The following SGCZ variants were observed in gnomAD, a reference collection of about 807,000 sequenced individuals.
SGCZ encodes the protein sarcoglycan zeta, also known as zeta-sarcoglycan.
SGCZ carries 40 observed loss-of-function variants against 41.3 expected under a neutral mutation model. That is an observed-to-expected ratio of 0.97 (90% CI 0.75 to 1.26). The LOEUF is 1.26. Among genes scored for constraint, SGCZ ranks in the 50% most tolerant of loss-of-function variants. The probability of loss-of-function intolerance (pLI) is 0.00; values close to 1 mark genes in which losing one functional copy is unlikely to be tolerated. For synonymous variants in SGCZ, 206 were observed against 137.5 expected (o/e 1.50, Z -3.49); for missense variants, 552 against 369.8 (o/e 1.49, Z -4.04).
intron 2 of SGCZ, among the ~76,000 whole-genome samples, chr8:14,464,503 A>C (rs1161720855): frequency 9.9e-6 from 1 of 101,476 alleles, no homozygotes; most frequent in East Asian, 2.5e-4. Flanking sequence ...TTTTTTTTTT[A>C]GTTCATCTAG....
chr8:15,228,514 A>C (rs1184403150), intron 1 of SGCZ, among the ~76,000 whole-genome samples: 1 of 152,200 alleles, frequency 6.6e-6, no homozygotes, highest in African/African-American at 2.4e-5. Flanking sequence ...TTTTTATAAA[A>C]TAGATTTGAA....
intron 2 of SGCZ, among the ~76,000 whole-genome samples, chr8:14,356,842 T>C (rs1803314262): frequency 6.6e-6 from 1 of 152,034 alleles, no homozygotes; most frequent in Non-Finnish European, 1.5e-5. Flanking sequence ...TTAAGTAAAA[T>C]AGTATATTTT....
chr8:14,388,058 G>C (rs1276219205), intron 2 of SGCZ, among the ~76,000 whole-genome samples: 1 of 152,046 alleles, frequency 6.6e-6, no homozygotes, highest in African/African-American at 2.4e-5. Context: ...TTTAGTAGGA[G>C]TAAGATATTC....
intron 6 of SGCZ, among the ~76,000 whole-genome samples, chr8:14,103,455 G>C (rs1348988516): frequency 6.6e-6 from 1 of 152,104 alleles, no homozygotes; most frequent in Non-Finnish European, 1.5e-5. Context: ...CACATTCACT[G>C]TTATCCAGCA....
chr8:14,113,282 T>C (rs889174940), intron 5 of SGCZ, among the ~76,000 whole-genome samples: 8 of 152,246 alleles, frequency 5.3e-5, no homozygotes, highest in Admixed American at 3.9e-4. Context: ...CTTTACTAAT[T>C]TTCCCACCTC....
intron 1 of SGCZ, among the ~76,000 whole-genome samples, chr8:14,791,231 T>A (rs1423392792): frequency 6.6e-6 from 1 of 152,090 alleles, no homozygotes; most frequent in African/African-American, 2.4e-5. Flanking sequence ...ATCCTTTAAA[T>A]TGTACATTAC....
chr8:14,601,010 T>G (rs1805573355), intron 1 of SGCZ, among the ~76,000 whole-genome samples: 1 of 150,554 alleles, frequency 6.6e-6, no homozygotes, highest in Non-Finnish European at 1.5e-5. Context: ...ATCCCTAAAA[T>G]ATATGTTTTA....
intron 1 of SGCZ, among the ~76,000 whole-genome samples, chr8:15,067,828 A>G (rs1191792985): frequency 1.3e-5 from 2 of 152,226 alleles, no homozygotes; most frequent in Non-Finnish European, 2.9e-5. Context: ...AATGAAAGAT[A>G]AAAATAATCA....
chr8:14,994,253 A>G (rs1450922807), intron 1 of SGCZ, among the ~76,000 whole-genome samples: 1 of 152,188 alleles, frequency 6.6e-6, no homozygotes, highest in African/African-American at 2.4e-5. Flanking sequence ...TCTCAATTAC[A>G]GTGGCGGTTC....
intron 1 of SGCZ, among the ~76,000 whole-genome samples, chr8:14,714,240 T>G (rs1380700004): frequency 6.6e-6 from 1 of 152,134 alleles, no homozygotes; most frequent in Non-Finnish European, 1.5e-5. Flanking sequence ...GTACTAAGAT[T>G]ACAGGCATGA....
chr8:14,329,447 T>TA (rs1468558578), intron 2 of SGCZ, among the ~76,000 whole-genome samples: 3 of 152,214 alleles, frequency 2.0e-5, no homozygotes, highest in African/African-American at 7.2e-5. Flanking sequence ...TCAACACATT[T>TA]AAAAAATATC....
intron 1 of SGCZ, among the ~76,000 whole-genome samples, chr8:14,571,568 T>G (rs1265364393): frequency 6.6e-6 from 1 of 150,668 alleles, no homozygotes; most frequent in African/African-American, 2.5e-5. Context: ...AATGTATAAA[T>G]TTTTTTTTCT....
chr8:15,156,228 C>T (rs1045492027), intron 1 of SGCZ, among the ~76,000 whole-genome samples: 3 of 152,018 alleles, frequency 2.0e-5, no homozygotes, highest in East Asian at 3.9e-4. Flanking sequence ...TGTCCAAAAA[C>T]GCAGACTATG....
intron 1 of SGCZ, among the ~76,000 whole-genome samples, chr8:14,788,600 A>G (rs901817928): frequency 1.6e-4 from 25 of 152,242 alleles, no homozygotes; most frequent in Admixed American, 2.6e-4. Context: ...ACATAGTGGT[A>G]GAAAAGTTAA....
chr8:15,218,465 T>C (rs1482059457), intron 1 of SGCZ, among the ~76,000 whole-genome samples: 1 of 152,168 alleles, frequency 6.6e-6, no homozygotes. Context: ...AAAGCTGCCT[T>C]TAGGCAGTTA....
At chr8:14,154,550 T>A (rs1009768559) in intron 5 of SGCZ, among the ~76,000 whole-genome samples, 69 of 152,168 alleles carry the variant, frequency 4.5e-4, no homozygotes, top group African/African-American at 1.6e-3. Context: ...GCAAATTTTA[T>A]TTTTGTTTGA....
intron 1 of SGCZ, among the ~76,000 whole-genome samples, chr8:15,226,628 T>C (rs990719932): frequency 2.6e-5 from 4 of 152,168 alleles, no homozygotes; most frequent in African/African-American, 9.7e-5. Context: ...TTTCCCAACT[T>C]ATTCTAAAAT....
intron 2 of SGCZ, among the ~76,000 whole-genome samples, chr8:14,480,121 T>A (rs1475746115): frequency 6.6e-6 from 1 of 152,226 alleles, no homozygotes; most frequent in Non-Finnish European, 1.5e-5. Context: ...CTTGAACCTA[T>A]TTCATTCAGG....
intron 1 of SGCZ, among the ~76,000 whole-genome samples, chr8:14,955,953 C>T (rs970492281): frequency 6.2e-4 from 94 of 150,568 alleles, no homozygotes; most frequent in African/African-American, 2.2e-3. Flanking sequence ...TTCTCTAAAA[C>T]TTTATAATTT....
Sources: gnomAD v4.1 joint callset for allele counts (sites outside exome capture counted in the v4.1 genomes callset) on GRCh38, gnomAD v4.1.1 for gene constraint, MANE v1.5 for transcripts, NCBI Gene and HGNC (gene_info 2026-07-23, HGNC 2026-07-21) for gene names.